Variants in PSD3 observed in about 807,000 individuals in gnomAD.
PSD3 encodes the protein pleckstrin and Sec7 domain containing 3, also known as PH and SEC7 domain-containing protein 3.
A neutral mutation model predicts 105.5 loss-of-function variants in PSD3; 49 were observed. The ratio of observed to expected loss-of-function variants is 0.46; its 90% CI spans 0.37 to 0.59. PSD3 has a LOEUF of 0.59. Among genes scored for constraint, PSD3 ranks in the 20% least tolerant of loss-of-function variants. The probability of loss-of-function intolerance (pLI) is 0.00; values close to 1 mark genes in which losing one functional copy is unlikely to be tolerated. For missense variants in PSD3, 1,561 were observed against 1,263.8 expected (o/e 1.24, Z -3.57); for synonymous variants, 557 against 457.8 (o/e 1.22, Z -2.77).
At chr8:18,642,154 G>C (rs1381561438) in intron 10 of PSD3, among the ~76,000 whole-genome samples, 1 of 152,108 alleles carries the variant, frequency 6.6e-6, no homozygotes, top group Non-Finnish European at 1.5e-5. Context: ...TACAATGACT[G>C]TAGTATGCTT....
chr8:18,552,130 C>T (rs902400295), intron 15 of PSD3, among the ~76,000 whole-genome samples: 1 of 152,154 alleles, frequency 6.6e-6, no homozygotes, highest in African/African-American at 2.4e-5. Context: ...GGCATTGCGT[C>T]GGCTGGTTTT....
chr8:18,565,910 A>G (rs1695939440), intron 14 of PSD3, among the ~76,000 whole-genome samples: 1 of 152,144 alleles, frequency 6.6e-6, no homozygotes, highest in Non-Finnish European at 1.5e-5. Context: ...AGCTGGGGAT[A>G]TCGCTAAACA....
chr8:18,545,074 T>G (rs1800377746), intron 15 of PSD3, among the ~76,000 whole-genome samples: 1 of 152,220 alleles, frequency 6.6e-6, no homozygotes, highest in Non-Finnish European at 1.5e-5. Flanking sequence ...ATGCAATTCC[T>G]GTTGAAAACT....
intron 1 of PSD3, among the ~76,000 whole-genome samples, chr8:18,983,590 A>G (rs907834461): frequency 3.9e-5 from 6 of 152,218 alleles, no homozygotes; most frequent in Non-Finnish European, 8.8e-5. Context: ...GTCTCAGGGA[A>G]TAGCGGGACA....
At chr8:18,606,226 A>T (rs945043457) in intron 11 of PSD3, among the ~76,000 whole-genome samples, 24 of 152,090 alleles carry the variant, frequency 1.6e-4, no homozygotes, top group African/African-American at 5.3e-4. Flanking sequence ...TTCTCACTTC[A>T]TTCCACTTGT....
At chr8:18,587,301 C>G (rs1394372556) in intron 12 of PSD3, among the ~76,000 whole-genome samples, 1 of 152,140 alleles carries the variant, frequency 6.6e-6, no homozygotes, top group Non-Finnish European at 1.5e-5. Flanking sequence ...GCAATGACCT[C>G]TCACTCAAAG....
chr8:18,670,275 A>T (rs1026511838), intron 9 of PSD3, among the ~76,000 whole-genome samples: 2 of 152,212 alleles, frequency 1.3e-5, no homozygotes, highest in African/African-American at 4.8e-5. Flanking sequence ...CGGCTGGAGC[A>T]AATGGGCCCA....
intron 4 of PSD3, among the ~76,000 whole-genome samples, chr8:18,839,202 G>A (rs2129451157): frequency 6.6e-6 from 1 of 152,204 alleles, no homozygotes; most frequent in Non-Finnish European, 1.5e-5. Flanking sequence ...CCATTTACAA[G>A]TGTAAATGTG....
At chr8:18,973,191 G>A (rs980767371) in intron 1 of PSD3, among the ~76,000 whole-genome samples, 6 of 152,180 alleles carry the variant, frequency 3.9e-5, no homozygotes, top group South Asian at 2.1e-4. Flanking sequence ...ACACTGACAC[G>A]TGAAAGTATT....
rs558000830 is a variant in PSD3, at chr8:19,063,010, AG to A, written c.324+21195del. Among the ~76,000 whole-genome samples the A allele has an allele frequency of 2.1e-3, 313 of 152,354 alleles. 1 individual carries two copies. Among genetic ancestry groups the A allele is most frequent in the African/African-American group, 7.3e-3 (305 of 41,582 alleles). On this transcript the variant is annotated intron_variant, in intron 1 of 1. Transcript: ENST00000521475. ...TTAAAAAAAGAAGAAATTAATTAGA[AG>A]TCATGTGTGAGACAGTTGGACTTGA... is the stretch of plus-strand genomic sequence containing the variant.
At chr8:18,936,339 T>C (rs1174487358) in intron 1 of PSD3, among the ~76,000 whole-genome samples, 197 bp from the exon 2 acceptor site, 1 of 152,166 alleles carries the variant, frequency 6.6e-6, no homozygotes, top group Non-Finnish European at 1.5e-5. Flanking sequence ...TGATTATAGC[T>C]ATATAAAAAA....
At chr8:18,809,249 T>C (rs779344143) in intron 4 of PSD3, among the ~76,000 whole-genome samples, 2 of 152,168 alleles carry the variant, frequency 1.3e-5, no homozygotes, top group Admixed American at 6.6e-5. Flanking sequence ...CCTAGTAAGG[T>C]TGCAAATAAA....
At chr8:18,945,199 C>A (rs192670314) in intron 1 of PSD3, among the ~76,000 whole-genome samples, 1 of 152,300 alleles carries the variant, frequency 6.6e-6, no homozygotes, top group Admixed American at 6.5e-5. Flanking sequence ...ATGGCATAGC[C>A]TTTGAAAATG....
chr8:18,974,714 G>A (rs1276799534), intron 1 of PSD3, among the ~76,000 whole-genome samples: 2 of 151,910 alleles, frequency 1.3e-5, no homozygotes, highest in Admixed American at 6.6e-5. Flanking sequence ...AGGGGAACAG[G>A]GGTGGAGGGT....
intron 4 of PSD3, among the ~76,000 whole-genome samples, chr8:18,821,717 A>ACACACACACACCCCC (rs1554513425): frequency 7.1e-6 from 1 of 141,120 alleles, no homozygotes; most frequent in Non-Finnish European, 1.5e-5. Context: ...ACACACACAC[A>ACACACACACACCCCC]CCCCAATAAC....
chr8:19,028,299 C>CT (rs397689140), intron 1 of PSD3, among the ~76,000 whole-genome samples: 21,957 of 96,926 alleles, frequency 0.23, 2,529 homozygotes, highest in Non-Finnish European at 0.3. Context: ...CCGGCCCACC[C>CT]TTTTTTTTTT....
intron 10 of PSD3, among the ~76,000 whole-genome samples, chr8:18,637,227 CTCT>C (rs1256266628): frequency 2.6e-5 from 4 of 152,160 alleles, no homozygotes; most frequent in African/African-American, 4.8e-5. Flanking sequence ...TATGGGTGAG[CTCT>C]TTTTTTCTCA....
intron 2 of PSD3, among the ~76,000 whole-genome samples, chr8:18,920,342 A>C (rs1405229056): frequency 6.6e-6 from 1 of 152,194 alleles, no homozygotes; most frequent in Non-Finnish European, 1.5e-5. Flanking sequence ...AAGGGGAAAT[A>C]AAATTAAAAT....
chr8:19,045,436 C>A lies in PSD3; in HGVS notation c.324+38770G>T, dbSNP rs1828283062. Among the ~76,000 whole-genome samples the A allele has an allele frequency of 2.0e-5, 3 of 152,168 alleles. 1 individual carries two copies. The South Asian group carries it at 6.2e-4, about 32-fold the overall frequency. ...AAAGTGTTAAGGGAGGTGAGACTGACAGTAGCCAGCCGCCCTTGAACACAG... is the reference window on the plus strand; with the variant it reads ...AAAGTGTTAAGGGAGGTGAGACTGAAAGTAGCCAGCCGCCCTTGAACACAG... On this transcript the variant is annotated intron_variant, in intron 1 of 1. Transcript: ENST00000521475.
Sources: allele counts gnomAD v4.1 joint callset (sites outside exome capture counted in the v4.1 genomes callset), GRCh38; gene constraint gnomAD v4.1.1; transcripts MANE v1.5; gene names NCBI Gene and HGNC (gene_info 2026-07-23, HGNC 2026-07-21).